The following ACYP2 variants were observed in gnomAD, a reference collection of about 807,000 sequenced individuals.
The protein encoded by ACYP2 is acylphosphatase 2, also known as acylphosphatase-2.
A neutral mutation model predicts 11.2 loss-of-function variants in ACYP2; 12 were observed. The observed-to-expected ratio is 1.08, with a 90% CI of 0.69 to 1.74. The LOEUF (loss-of-function observed/expected upper bound fraction) is 1.74, where lower values mean the gene tolerates loss of function less well. Among genes scored for constraint, ACYP2 ranks in the 40% most tolerant of loss-of-function variants. ACYP2 has a pLI of 0.00. For missense variants in ACYP2, 134 were observed against 101.9 expected (o/e 1.31, Z -1.35); for synonymous variants, 43 against 32.2 (o/e 1.33, Z -1.13).
intron 2 of ACYP2, among the ~76,000 whole-genome samples, chr2:53,984,047 G>A (rs17045452): frequency 0.32 from 49,340 of 151,928 alleles, 8,298 homozygotes; most frequent in South Asian, 0.49. Flanking sequence ...TTGTGGTTTA[G>A]AAAGATGACT....
At chr2:54,229,701 C>T (rs150740058) in intron 6 of ACYP2, among the ~76,000 whole-genome samples, 100 of 152,262 alleles carry the variant, frequency 6.6e-4, no homozygotes, top group African/African-American at 2.4e-3. Flanking sequence ...GCACCAAAGA[C>T]TAGTTTTTCT....
At chr2:54,303,253 A>G (rs765953248) in intron 6 of ACYP2, among the ~76,000 whole-genome samples, 27 of 152,070 alleles carry the variant, frequency 1.8e-4, no homozygotes, top group Non-Finnish European at 2.9e-4. Flanking sequence ...TGGGGTACTG[A>G]GGCTGGTGGA....
At chr2:53,984,557 A>G (rs995072131) in intron 2 of ACYP2, among the ~76,000 whole-genome samples, 5 of 152,018 alleles carry the variant, frequency 3.3e-5, no homozygotes, top group African/African-American at 1.2e-4. Flanking sequence ...AGCCTGGGCA[A>G]CAAGAGCAAA....
At chr2:54,114,380 CAAAA>C (rs58390248) in intron 4 of ACYP2, among the ~76,000 whole-genome samples, 10,448 of 104,340 alleles carry the variant, frequency 0.1, 454 homozygotes, top group East Asian at 0.3. Flanking sequence ...TCAAGACAAT[CAAAA>C]AAAAAAAAAA....
At position 54,027,068 on chromosome 2, in the gene ACYP2, A is replaced by T. The variant is rs532483719; in HGVS notation, c.63-23890A>T. On this transcript the variant is annotated intron_variant, in intron 2 of 6. Coordinates refer to ENST00000607452, the MANE Select transcript of ACYP2 (RefSeq NM_001320586.2). ...ATAACAGTTTTAGGTTTACTGAAAAATTGCCAAGATAGTAGAGTGAGTTCA... is the reference window on the plus strand; with the variant it reads ...ATAACAGTTTTAGGTTTACTGAAAATTTGCCAAGATAGTAGAGTGAGTTCA... Among the ~76,000 whole-genome samples the T allele has an allele frequency of 2.6e-5, 4 of 152,278 alleles. No individual in the cohort carries two copies. In the South Asian group the frequency reaches 8.3e-4, roughly 32 times the overall value.
chr2:54,178,494 G>A (rs114719551), intron 6 of ACYP2, among the ~76,000 whole-genome samples: 1,935 of 152,248 alleles, frequency 0.013, 45 homozygotes, highest in African/African-American at 0.043. Context: ...GCAAGGCTAT[G>A]CCCCAATCCC....
intron 6 of ACYP2, among the ~76,000 whole-genome samples, chr2:54,235,812 C>G (rs959582259): frequency 6.6e-6 from 1 of 152,158 alleles, no homozygotes; most frequent in Non-Finnish European, 1.5e-5. Flanking sequence ...GCAGCATGAG[C>G]AATGAGAGTG....
At chr2:54,008,893 C>T (rs1673211133) in intron 2 of ACYP2, among the ~76,000 whole-genome samples, 1 of 152,174 alleles carries the variant, frequency 6.6e-6, no homozygotes, top group Non-Finnish European at 1.5e-5. Flanking sequence ...TGGCTCATGC[C>T]TGTAATCCCA....
intron 4 of ACYP2, among the ~76,000 whole-genome samples, chr2:54,130,349 T>G (rs935231811): frequency 1.3e-5 from 2 of 152,098 alleles, no homozygotes; most frequent in Non-Finnish European, 2.9e-5. Flanking sequence ...AGGAGGCATA[T>G]CTGGCTGGAA....
chr2:54,301,872 G>T (rs557652367), intron 6 of ACYP2, among the ~76,000 whole-genome samples: 3 of 152,240 alleles, frequency 2.0e-5, no homozygotes, highest in East Asian at 3.9e-4. Flanking sequence ...CAGGTGACCA[G>T]AACACTCCTA....
chr2:54,112,579 T>A (rs1679516000), intron 4 of ACYP2, among the ~76,000 whole-genome samples: 1 of 152,246 alleles, frequency 6.6e-6, no homozygotes. Context: ...AGAAGCAGCC[T>A]GAATATGTAA....
chr2:54,224,065 G>GT (rs926323911), intron 6 of ACYP2, among the ~76,000 whole-genome samples: 18 of 152,154 alleles, frequency 1.2e-4, no homozygotes, highest in African/African-American at 4.1e-4. Context: ...TCTAAATACT[G>GT]TTAGTCCAGT....
intron 6 of ACYP2, among the ~76,000 whole-genome samples, chr2:54,194,141 T>A (rs1684354010): frequency 6.6e-6 from 1 of 152,050 alleles, no homozygotes; most frequent in African/African-American, 2.4e-5. Context: ...CAGGTTCAAG[T>A]GATTTCTCCT....
At position 54,093,059 on chromosome 2, in the gene ACYP2, A is replaced by G. The variant is rs569730338; in HGVS notation, c.277+35699A>G. On this transcript the variant is annotated intron_variant, in intron 4 of 6. Coordinates refer to ENST00000607452, the MANE Select transcript of ACYP2 (RefSeq NM_001320586.2). ...TTCTATTGTCGACTGCACAGCAGGT[A>G]AACTCCTCCTGCAGCTCAATTCTGC... Among the ~76,000 whole-genome samples the G allele has an allele frequency of 1.9e-4, 29 of 152,276 alleles. 2 individuals carry two copies. The South Asian group carries it at 5.6e-3, about 29-fold the overall frequency.
chr2:54,291,825 G>A (rs1360823876), intron 6 of ACYP2, among the ~76,000 whole-genome samples: 1 of 152,160 alleles, frequency 6.6e-6, no homozygotes, highest in East Asian at 1.9e-4. Context: ...GGCCTATCAG[G>A]AAAAATTGTC....
chr2:54,168,617 G>A (rs2357955), intron 6 of ACYP2, among the ~76,000 whole-genome samples: 17,842 of 151,672 alleles, frequency 0.12, 2,403 homozygotes, highest in African/African-American at 0.33. Flanking sequence ...TTAGACAGGT[G>A]TAGTAGAGCC....
At chr2:54,029,814 A>G (rs762531928) in intron 2 of ACYP2, 3 of 541,706 alleles carry the variant, frequency 5.5e-6, no homozygotes, top group South Asian at 3.3e-5. Flanking sequence ...GGGCATTCCT[A>G]TTTGAACAGT....
At chr2:53,978,372 A>C (rs777539024) in intron 2 of ACYP2, among the ~76,000 whole-genome samples, 1 of 152,190 alleles carries the variant, frequency 6.6e-6, no homozygotes, top group Non-Finnish European at 1.5e-5. Context: ...TCATCAAATC[A>C]TGCAGGTGAT....
chr2:54,201,098 TTCTC>T (rs75792925), intron 6 of ACYP2, among the ~76,000 whole-genome samples: 4,314 of 137,330 alleles, frequency 0.031, 188 homozygotes, highest in African/African-American at 0.11. Context: ...AAAATTTGGG[TTCTC>T]TCTCTCTTTT....
Sources: gnomAD v4.1 joint callset for allele counts (sites outside exome capture counted in the v4.1 genomes callset) on GRCh38, gnomAD v4.1.1 for gene constraint, MANE v1.5 for transcripts, NCBI Gene and HGNC (gene_info 2026-07-23, HGNC 2026-07-21) for gene names.